ZBTB4: variants seen among roughly 807,000 people sequenced by gnomAD.
The protein encoded by ZBTB4 is zinc finger and BTB domain containing 4.
ZBTB4 carries 14 observed loss-of-function variants against 59.8 expected under a neutral mutation model. The ratio of observed to expected loss-of-function variants is 0.23; its 90% CI spans 0.15 to 0.37. The LOEUF (loss-of-function observed/expected upper bound fraction) is 0.37. Ranked by LOEUF, ZBTB4 falls within the 10% of genes least tolerant of loss-of-function variation. The pLI, the probability that ZBTB4 is intolerant of heterozygous loss-of-function variation, is 1.00. For missense variants in ZBTB4, 1,198 were observed against 1,380.8 expected, an observed-to-expected ratio of 0.87 and a Z score of 2.10; for synonymous variants, 587 against 575.2, an observed-to-expected ratio of 1.02 and a Z score of -0.29.
intron 1 of ZBTB4, among the ~76,000 whole-genome samples, chr17:7,469,533 C>T (rs1035848107): frequency 2.5e-4 from 38 of 150,462 alleles, no homozygotes; most frequent in African/African-American, 7.3e-4. Flanking sequence ...GAGGCCAAGG[C>T]GGGCGGATCA....
chr17:7,481,646 G>T, upstream of ZBTB4: 1 of 707,040 alleles, frequency 1.4e-6, no homozygotes, highest in Admixed American at 3.6e-5. Flanking sequence ...GGTGTACCCA[G>T]ATGTCTCTGG....
chr17:7,466,256 A>G lies in ZBTB4; in HGVS notation c.546T>C (p.Gly182=), dbSNP rs1276533273. 3 of 1,612,384 alleles carry G rather than the reference A, an allele frequency of 1.9e-6. No homozygotes were observed. The highest frequency in any genetic ancestry group is 2.2e-5 in the East Asian group (1 of 44,826). Residue 182 remains glycine, a synonymous_variant, in exon 3 of 4, where the codon GGT becomes GGC. Coordinates refer to ENST00000380599, the MANE Select transcript of ZBTB4 (RefSeq NM_001128833.2). This position sits in a 1 kb window ranked among gnomAD's most constrained non-coding sequence, Gnocchi z 9.1. The stretch of plus-strand genomic sequence containing the variant: ...CTGGGGTAGGAGGTACCCAGGCATC[A>G]CCTCCCTCCCCCAGGCCCTGAAGGC... ...ISRLQGLGEG[G]DAWVPPTPAP...
rs1291724010 is a variant in ZBTB4 at position 7,460,711 on chromosome 17, G to T, written c.*1229C>A. The T allele has an allele frequency of 6.6e-6, 1 of 152,580 alleles. No individual in the cohort carries two copies. The highest frequency in any genetic ancestry group is 6.5e-5 in the Admixed American group (1 of 15,278). 9.5% of individuals were successfully genotyped at this position (152,580 alleles called of 1,614,324 possible). On this transcript the variant is annotated 3_prime_UTR_variant, in exon 4 of 4. Coordinates refer to ENST00000380599, the MANE Select transcript of ZBTB4 (RefSeq NM_001128833.2). ...TTAACTAGTGCAAATTAGGGATTAGGGACTATTTAAAGTCCCTGTACCCCA... is the reference window on the plus strand; with the variant it reads ...TTAACTAGTGCAAATTAGGGATTAGTGACTATTTAAAGTCCCTGTACCCCA...
At chr17:7,480,920 G>A (rs968384793), upstream of ZBTB4, among the ~76,000 whole-genome samples, 1 of 76,054 alleles carries the variant, frequency 1.3e-5, no homozygotes, top group African/African-American at 3.8e-5. Flanking sequence ...TTTGGGAGGC[G>A]GGGGGTGGTG....
intron 1 of ZBTB4, among the ~76,000 whole-genome samples, chr17:7,472,872 G>C (rs568115134): frequency 1.3e-5 from 2 of 151,358 alleles, no homozygotes; most frequent in East Asian, 3.9e-4. Flanking sequence ...TCGAACTCCT[G>C]GGCTCAAGTG....
At chr17:7,483,369 C>A, upstream of ZBTB4, 1 of 303,916 alleles carries the variant, frequency 3.3e-6, no homozygotes, top group Non-Finnish European at 6.2e-6. Context: ...CCAGCAGCTG[C>A]GGTGGGGGAG....
At position 7,461,781 on chromosome 17, in the gene ZBTB4, T is replaced by A; in HGVS notation, c.*159A>T. 1.8e-6 allele frequency: 1 copy of A among 569,280 alleles called. No individual in the cohort carries two copies. The highest frequency in any genetic ancestry group is 3.1e-6 in the Non-Finnish European group (1 of 326,196). 35.3% of individuals were successfully genotyped at this position (569,280 alleles called of 1,614,324 possible). On this transcript the variant is annotated 3_prime_UTR_variant, in exon 4 of 4. Coordinates refer to ENST00000380599, the MANE Select transcript of ZBTB4 (RefSeq NM_001128833.2). ...CTTCCCAGGAGATGGGAAAACTACA[T>A]CTCACACAAAGCAGCCTGACCCCTG...
Position 7,466,260 on chromosome 17 carries a change from C to T in ZBTB4, c.542G>A (p.Gly181Glu). The T allele has an allele frequency of 6.2e-7, 1 of 1,613,208 alleles. No homozygotes were observed. The highest frequency in any genetic ancestry group is 8.5e-7 in the Non-Finnish European group (1 of 1,179,530). ...GGTAGGAGGTACCCAGGCATCACCT[C>T]CCTCCCCCAGGCCCTGAAGGCGGGA... is the stretch of plus-strand genomic sequence containing the variant. ...GISRLQGLGEGGDAWVPPTPA... is the reference protein window; with the variant it reads ...GISRLQGLGEEGDAWVPPTPA... The change falls in exon 3 of 4, where the codon GGA becomes GAA. Residue 181 changes from glycine (G) to glutamate (E), a missense_variant. Coordinates refer to ENST00000380599, the MANE Select transcript of ZBTB4 (RefSeq NM_001128833.2). This position sits in a 1 kb window ranked among gnomAD's most constrained non-coding sequence, Gnocchi z 9.1.
intron 3 of ZBTB4, among the ~76,000 whole-genome samples, chr17:7,465,342 T>C (rs930755486): frequency 1.5e-4 from 23 of 150,580 alleles, no homozygotes; most frequent in African/African-American, 4.4e-4. Context: ...ATGCCTGTAA[T>C]CCCAGCTATT....
chr17:7,462,101 G>C lies in ZBTB4; in HGVS notation c.2881C>G (p.Leu961Val). 1 of 1,606,740 alleles carries C rather than the reference G, an allele frequency of 6.2e-7. No individual in the cohort carries two copies. The highest frequency in any genetic ancestry group is 1.1e-5 in the South Asian group (1 of 90,262). Residue 961 changes from leucine (L) to valine (V), a missense_variant, in exon 4 of 4, where the codon CTT becomes GTT. Transcript: ENST00000380599. This position sits in a 1 kb window ranked among gnomAD's most constrained non-coding sequence, Gnocchi z 7.5. ...VLPDEKGAGA[L>V]PFLPGVFGYA... ...CCAAAGACCCCTGGTAGGAAGGGAAGGGCCCCCGCACCCTTCTCATCAGGT... is the reference window on the plus strand; with the variant it reads ...CCAAAGACCCCTGGTAGGAAGGGAACGGCCCCCGCACCCTTCTCATCAGGT...
upstream of ZBTB4, chr17:7,481,913 A>T: frequency 6.5e-7 from 1 of 1,526,974 alleles, no homozygotes; most frequent in Non-Finnish European, 8.8e-7. Context: ...CCCAGACCCC[A>T]TCCTGGCATC....
chr17:7,480,145 G>C (rs1230919641), upstream of ZBTB4, among the ~76,000 whole-genome samples: 1 of 152,102 alleles, frequency 6.6e-6, no homozygotes, highest in Non-Finnish European at 1.5e-5. Flanking sequence ...CCCTGCATAC[G>C]GGGCACACAC....
chr17:7,468,900 A>C (rs974179493), intron 1 of ZBTB4, among the ~76,000 whole-genome samples: 6 of 152,176 alleles, frequency 3.9e-5, no homozygotes, highest in African/African-American at 1.4e-4. Context: ...ATGATATTCC[A>C]AAGTTTTAAC....
chr17:7,481,397 A>G (rs2070343365), upstream of ZBTB4: 2 of 1,300,072 alleles, frequency 1.5e-6, no homozygotes, highest in Non-Finnish European at 9.8e-7. Flanking sequence ...TAGGCGTGCT[A>G]CCACCTCAGG....
intron 1 of ZBTB4, among the ~76,000 whole-genome samples, chr17:7,476,029 G>A (rs2070264727): frequency 6.6e-6 from 1 of 152,192 alleles, no homozygotes; most frequent in Non-Finnish European, 1.5e-5. Context: ...AAGTGTGGCT[G>A]AAATCGCCGC....
At chr17:7,483,410 G>C, upstream of ZBTB4, 1 of 283,824 alleles carries the variant, frequency 3.5e-6, no homozygotes, top group Non-Finnish European at 6.8e-6. Flanking sequence ...CTCCCCTCAC[G>C]GCAAAGGTTT....
Position 7,466,308 on chromosome 17 carries a change from G to A in ZBTB4, c.494C>T (p.Ala165Val). 1 of 1,613,820 alleles carries A rather than the reference G, an allele frequency of 6.2e-7. No individual in the cohort carries two copies. The highest frequency in any genetic ancestry group is 8.5e-7 in the Non-Finnish European group (1 of 1,179,872). ...GGAGATGCCCAGACGGCGCCCCAAA[G>A]CTCCAATCTCTGCTACAGCTGCCCC... ...GDGAAVAEIG[A>V]LGRRLGISRL... The change falls in exon 3 of 4, where the codon GCT (alanine) becomes GTT (valine). Residue 165 changes from alanine (A) to valine (V), a missense_variant. By Grantham distance (64) the Ala-to-Val change is moderately conservative (BLOSUM62 0). Transcript: ENST00000380599. The surrounding 1 kb of genome is among the most constrained non-coding windows in gnomAD (Gnocchi z 9.1).
In ZBTB4 at chr17:7,466,440, G is replaced by A; in HGVS notation, c.362C>T (p.Ser121Phe). The change falls in exon 3 of 4, where the codon TCC (serine) becomes TTC (phenylalanine). Residue 121 changes from serine to phenylalanine, a missense_variant. Ser to Phe is a radical substitution (Grantham distance 155, BLOSUM62 -2). This residue lies in a region of ZBTB4 where 83 missense variants were observed against 76.5 expected (regional missense o/e 1.09). Coordinates refer to ENST00000380599, the MANE Select transcript of ZBTB4 (RefSeq NM_001128833.2). This position sits in a 1 kb window ranked among gnomAD's most constrained non-coding sequence, Gnocchi z 9.1. ...SPPPASPPAS[S>F]PPRVLELPGV... ...TGGCAACTCCAGGACCCGGGGTGGG[G>A]AAGAAGCAGGGGGAGAGGCTGGAGG... 6.2e-7 allele frequency: 1 copy of A among 1,613,564 alleles called. No homozygotes were observed. Among genetic ancestry groups the A allele is most frequent in the Non-Finnish European group, 8.5e-7 (1 of 1,179,840 alleles).
In ZBTB4 at chr17:7,461,989, T is replaced by C. The variant is rs775317953; in HGVS notation, c.2993A>G (p.Glu998Gly). Residue 998 changes from glutamate to glycine, a missense_variant, in exon 4 of 4, where the codon GAA (glutamate) becomes GGA (glycine). By Grantham distance (98) the Glu-to-Gly change is moderately conservative (BLOSUM62 -2). Coordinates refer to ENST00000380599, the MANE Select transcript of ZBTB4 (RefSeq NM_001128833.2). ...TCTCTCAACCCCTGCCCTTTCCCCT[T>C]CTCCCTTAGGGGGAATTGGTGGAGG... Reference protein sequence around the residue: ...TLPPPIPPKGEGERAGVERTQ... With the variant: ...TLPPPIPPKGGGERAGVERTQ... 6.3e-7 allele frequency: 1 copy of C among 1,593,780 alleles called. No homozygotes were observed. The highest frequency in any genetic ancestry group is 1.7e-5 in the Admixed American group (1 of 57,912).
Sources: gnomAD v4.1 joint callset for allele counts (sites outside exome capture counted in the v4.1 genomes callset) on GRCh38, gnomAD v4.1.1 for gene constraint, gnomAD v4.1.1 regional missense constraint, Gnocchi (gnomAD v3.1) non-coding constraint, MANE v1.5 for transcripts, NCBI Gene and HGNC (gene_info 2026-07-23, HGNC 2026-07-21) for gene names.